The following BRAF variants were observed in gnomAD, a reference collection of about 807,000 sequenced individuals.
BRAF encodes the protein serine/threonine-protein kinase B-raf.
A neutral mutation model predicts 104.6 loss-of-function variants in BRAF; 16 were observed. The ratio of observed to expected loss-of-function variants is 0.15; its 90% CI spans 0.10 to 0.23. BRAF has a LOEUF of 0.23. Among genes scored for constraint, BRAF ranks in the 10% least tolerant of loss-of-function variants. The pLI is 1.00. For synonymous variants in BRAF, 310 were observed against 341.6 expected, an observed-to-expected ratio of 0.91 and a Z score of 1.02; for missense variants, 541 against 937.3, an observed-to-expected ratio of 0.58 and a Z score of 5.52.
In BRAF at chr7:140,721,166, ATAGC is replaced by A; in HGVS notation, c.*5324_*5327del. ...CGTCAAGTCACTATAATTATTCAAA[ATAGC>A]TAAATAAATGTCAACATTTTAATAA... On this transcript the variant is annotated 3_prime_UTR_variant, in exon 20 of 20. Transcript: ENST00000644969. The A allele has an allele frequency of 9.4e-7, 1 of 1,065,038 alleles. No individual in the cohort carries two copies. The highest frequency in any genetic ancestry group is 1.1e-6 in the Non-Finnish European group (1 of 878,330). 66.0% of individuals were successfully genotyped at this position (1,065,038 alleles called of 1,614,324 possible).
chr7:140,714,676 T>C (rs1165586095), downstream of BRAF, among the ~76,000 whole-genome samples: 2 of 152,138 alleles, frequency 1.3e-5, no homozygotes, highest in Non-Finnish European at 2.9e-5. Context: ...TTTTTTCTAC[T>C]TAGGTTTTTG....
chr7:140,880,026 C>G (rs764601074), intron 1 of BRAF, among the ~76,000 whole-genome samples: 18 of 152,086 alleles, frequency 1.2e-4, no homozygotes, highest in Non-Finnish European at 2.6e-4. Context: ...GCTACCGTGC[C>G]CGGCCGGCAA....
chr7:140,867,622 GT>G (rs1338138180), intron 1 of BRAF, among the ~76,000 whole-genome samples: 54 of 152,080 alleles, frequency 3.6e-4, no homozygotes, highest in African/African-American at 1.3e-3. Context: ...TATTCATTTT[GT>G]AGTATGGTAA....
chr7:140,780,789 C>T (rs1800795382), intron 12 of BRAF: 1 of 152,158 alleles, frequency 6.6e-6, no homozygotes, highest in Non-Finnish European at 1.5e-5. Flanking sequence ...GATGAAAATA[C>T]ATCCACTACT....
chr7:140,758,247 A>G (rs1303020715), intron 14 of BRAF: 1 of 152,166 alleles, frequency 6.6e-6, no homozygotes, highest in Admixed American at 6.6e-5. Flanking sequence ...GCCAAATTAC[A>G]GCCTTCCTTA....
chr7:140,880,518 C>T (rs539787944), intron 1 of BRAF, among the ~76,000 whole-genome samples: 3 of 152,296 alleles, frequency 2.0e-5, no homozygotes, highest in African/African-American at 4.8e-5. Flanking sequence ...TTGACCTCCT[C>T]TCATGAATCA....
At chr7:140,901,017 G>A (rs893806773) in intron 1 of BRAF, among the ~76,000 whole-genome samples, 1 of 152,154 alleles carries the variant, frequency 6.6e-6, no homozygotes, top group African/African-American at 2.4e-5. Flanking sequence ...TTGGGTAACT[G>A]CTCTTTGGAC....
At position 140,721,605 on chromosome 7, in the gene BRAF, GC is replaced by G; in HGVS notation, c.*4888del. ...GGTGACTCCGCTCTCCTCTGGCCAAGCTACAAATCATCACCTGAGGCAGAGA... is the reference window on the plus strand; with the variant it reads ...GGTGACTCCGCTCTCCTCTGGCCAAGTACAAATCATCACCTGAGGCAGAGA... On this transcript the variant is annotated 3_prime_UTR_variant, in exon 20 of 20. Transcript: ENST00000644969. The G allele has an allele frequency of 6.5e-7, 1 of 1,535,074 alleles. No individual in the cohort carries two copies. Among genetic ancestry groups the G allele is most frequent in the Non-Finnish European group, 8.7e-7 (1 of 1,146,342 alleles).
intron 16 of BRAF, among the ~76,000 whole-genome samples, chr7:140,751,694 C>T (rs957804409): frequency 6.6e-6 from 1 of 152,158 alleles, no homozygotes; most frequent in Non-Finnish European, 1.5e-5. Flanking sequence ...CCCTCTTCCA[C>T]CTTGCCACCT....
intron 14 of BRAF, among the ~76,000 whole-genome samples, chr7:140,763,764 G>C (rs1177425695): frequency 2.0e-5 from 3 of 152,178 alleles, no homozygotes; most frequent in African/African-American, 7.2e-5. Context: ...TTGAATCTCT[G>C]AATAGACCAA....
chr7:140,877,342 T>C (rs532946956), intron 1 of BRAF, among the ~76,000 whole-genome samples: 13 of 150,284 alleles, frequency 8.7e-5, no homozygotes, highest in African/African-American at 2.4e-4. Flanking sequence ...TTCAAACTCC[T>C]AGGCTCAAGT....
intron 3 of BRAF, chr7:140,824,541 T>C (rs560200685): frequency 6.6e-6 from 1 of 152,294 alleles, no homozygotes; most frequent in South Asian, 2.1e-4. Context: ...TAGTAAGTTT[T>C]GAGATCAGGA....
At chr7:140,802,032 G>A (rs1029448314) in intron 5 of BRAF, among the ~76,000 whole-genome samples, 1 of 152,162 alleles carries the variant, frequency 6.6e-6, no homozygotes, top group Non-Finnish European at 1.5e-5. Flanking sequence ...TGGGGGAGAG[G>A]AGGGAGAGGA....
In BRAF at chr7:140,746,214, A is replaced by G. The variant is rs186182979; in HGVS notation, c.2112+3073T>C. On this transcript the variant is annotated intron_variant, in intron 17 of 19. Coordinates refer to ENST00000644969, the MANE Select transcript of BRAF (RefSeq NM_001374258.1). ...CAGATATATGCTATCTATTCTTCAAAGAAGACACGGCACTTCTACTCCAAG... is the reference window on the plus strand; with the variant it reads ...CAGATATATGCTATCTATTCTTCAAGGAAGACACGGCACTTCTACTCCAAG... Among the ~76,000 whole-genome samples the G allele has an allele frequency of 1.1e-4, 16 of 152,344 alleles. No individual in the cohort carries two copies. In the South Asian group the frequency reaches 1.5e-3, roughly 14 times the overall value.
chr7:140,791,590 C>T (rs1026490573), intron 8 of BRAF, among the ~76,000 whole-genome samples: 31 of 147,070 alleles, frequency 2.1e-4, no homozygotes, highest in African/African-American at 7.1e-4. Flanking sequence ...CATAAATATG[C>T]TAATTACTCC....
At chr7:140,831,824 T>G (rs948824919) in intron 3 of BRAF, among the ~76,000 whole-genome samples, 7 of 152,368 alleles carry the variant, frequency 4.6e-5, no homozygotes, top group Admixed American at 4.6e-4. Flanking sequence ...GCTCGATTTA[T>G]GAAGACACAT....
intron 1 of BRAF, among the ~76,000 whole-genome samples, chr7:140,908,346 T>A (rs960831221): frequency 3.3e-5 from 5 of 152,188 alleles, no homozygotes; most frequent in African/African-American, 1.2e-4. Flanking sequence ...TGCTTGCTAA[T>A]TTTTTTATTT....
chr7:140,898,499 T>A (rs1815216452), intron 1 of BRAF, among the ~76,000 whole-genome samples: 1 of 152,140 alleles, frequency 6.6e-6, no homozygotes, highest in African/African-American at 2.4e-5. Context: ...GGCTAACATA[T>A]GAAAACATAC....
intron 3 of BRAF, among the ~76,000 whole-genome samples, chr7:140,813,880 C>T (rs1031030296): frequency 2.1e-4 from 31 of 150,602 alleles, no homozygotes; most frequent in Admixed American, 3.3e-4. Flanking sequence ...TGCATGCGGA[C>T]GCATACATAC....
Sources: gnomAD v4.1 joint callset for allele counts (sites outside exome capture counted in the v4.1 genomes callset) on GRCh38, gnomAD v4.1.1 for gene constraint, MANE v1.5 for transcripts, NCBI Gene and HGNC (gene_info 2026-07-23, HGNC 2026-07-21) for gene names.